The following KALRN variants were observed in gnomAD, a reference collection of about 807,000 sequenced individuals.
KALRN encodes kalirin.
KALRN carries 70 observed loss-of-function variants against 353.7 expected under a neutral mutation model. The ratio of observed to expected loss-of-function variants is 0.20; its 90% CI spans 0.16 to 0.24. The LOEUF (loss-of-function observed/expected upper bound fraction) is 0.24. Among genes scored for constraint, KALRN ranks in the 10% least tolerant of loss-of-function variants. The pLI is 1.00. For synonymous variants in KALRN, 1,391 were observed against 1,434.8 expected (o/e 0.97, Z 0.69); for missense variants, 2,791 against 3,756.7 (o/e 0.74, Z 6.72).
At chr3:124,431,126 T>C (rs1389955651) in intron 16 of KALRN, among the ~76,000 whole-genome samples, 2 of 152,252 alleles carry the variant, frequency 1.3e-5, no homozygotes, top group African/African-American at 4.8e-5. Flanking sequence ...AAGTCACTTC[T>C]GGTGCAAATC....
At chr3:124,356,764 T>A (rs1007479261) in intron 10 of KALRN, among the ~76,000 whole-genome samples, 3 of 152,148 alleles carry the variant, frequency 2.0e-5, no homozygotes, top group Non-Finnish European at 4.4e-5. Flanking sequence ...TTCTGGCTGG[T>A]CCTGATTAAA....
At chr3:124,488,610 T>G (rs1397101778) in intron 29 of KALRN, 2 of 300,476 alleles carry the variant, frequency 6.7e-6, no homozygotes, top group South Asian at 7.0e-5. Flanking sequence ...GTGCTAGAGC[T>G]TCCAACCTAC....
rs759529176 is a variant in KALRN, at chr3:124,234,922, C to T, written c.242C>T (p.Thr81Met). The change falls in exon 3 of 60, where the codon ACG (threonine) becomes ATG (methionine). Residue 81 changes from threonine (T) to methionine (M), a missense_variant. Coordinates refer to ENST00000682506, the MANE Select transcript of KALRN (RefSeq NM_001388419.1). Reference protein sequence around the residue: ...IRQEDLRKLVTYLASVPSEDV... With the variant: ...IRQEDLRKLVMYLASVPSEDV... ...CAGGAAGACCTGCGGAAACTCGTGA[C>T]GTATTTGGCCAGCGTGCCAAGGTAA... The T allele has an allele frequency of 1.2e-5, 20 of 1,604,252 alleles. No homozygotes were observed. The East Asian group carries it at 1.6e-4, about 13-fold the overall frequency.
intron 1 of KALRN, among the ~76,000 whole-genome samples, chr3:124,199,669 C>G (rs538715615): frequency 8.5e-5 from 13 of 152,108 alleles, no homozygotes; most frequent in Admixed American, 6.6e-4. Context: ...GAACAGTGGC[C>G]GGGCAATTAC....
chr3:124,652,932 C>T (rs1195557191), intron 38 of KALRN, among the ~76,000 whole-genome samples: 1 of 152,186 alleles, frequency 6.6e-6, no homozygotes, highest in Non-Finnish European at 1.5e-5. Flanking sequence ...GTCATTTAAG[C>T]CATTGTCCAG....
At chr3:124,054,076 T>C (rs1402049722) in intron 1 of KALRN, among the ~76,000 whole-genome samples, 1 of 152,204 alleles carries the variant, frequency 6.6e-6, no homozygotes, top group Non-Finnish European at 1.5e-5. Flanking sequence ...GGATACTTAA[T>C]GCTAACCTTT....
At chr3:124,647,098 G>T (rs2082852123) in intron 37 of KALRN, among the ~76,000 whole-genome samples, 1 of 151,678 alleles carries the variant, frequency 6.6e-6, no homozygotes, top group Non-Finnish European at 1.5e-5. Context: ...TAGAGATGGG[G>T]GTCTCACTAT....
At chr3:124,142,183 A>G (rs930060967) in intron 1 of KALRN, among the ~76,000 whole-genome samples, 14 of 152,180 alleles carry the variant, frequency 9.2e-5, no homozygotes, top group African/African-American at 3.4e-4. Context: ...ACATAGGGCT[A>G]AGCTTTGTTT....
At chr3:124,424,796 A>G (rs1335734601) in intron 15 of KALRN, among the ~76,000 whole-genome samples, 2 of 152,182 alleles carry the variant, frequency 1.3e-5, no homozygotes, top group African/African-American at 4.8e-5. Context: ...TCTCATTTAT[A>G]ATCTCATTTT....
intron 19 of KALRN, among the ~76,000 whole-genome samples, 158 bp downstream of exon 19, chr3:124,442,217 G>C (rs2093691124): frequency 1.3e-5 from 2 of 152,124 alleles, no homozygotes; most frequent in Non-Finnish European, 2.9e-5. Flanking sequence ...AATGATTCAT[G>C]GTCAATTTTT....
chr3:124,203,630 T>G (rs1187665961), intron 1 of KALRN, among the ~76,000 whole-genome samples: 1 of 152,114 alleles, frequency 6.6e-6, no homozygotes, highest in Non-Finnish European at 1.5e-5. Context: ...AGAAAAATAA[T>G]AATAATAGGG....
At chr3:124,293,904 C>T (rs1259224906) in intron 5 of KALRN, among the ~76,000 whole-genome samples, 1 of 152,086 alleles carries the variant, frequency 6.6e-6, no homozygotes, top group Non-Finnish European at 1.5e-5. Flanking sequence ...GACTAGCAAC[C>T]GAATAACCTA....
At chr3:124,649,325 C>T (rs951110934) in intron 37 of KALRN, among the ~76,000 whole-genome samples, 4 of 152,188 alleles carry the variant, frequency 2.6e-5, no homozygotes, top group African/African-American at 9.7e-5. Flanking sequence ...AAGTGCAGCT[C>T]ACTGAAGGCC....
At chr3:124,352,301 G>A (rs1016525057) in intron 10 of KALRN, among the ~76,000 whole-genome samples, 2 of 152,136 alleles carry the variant, frequency 1.3e-5, no homozygotes, top group African/African-American at 4.8e-5. Flanking sequence ...ATGTAGTACT[G>A]TTATATTGTC....
At chr3:124,566,973 A>C (rs1311443265) in intron 34 of KALRN, among the ~76,000 whole-genome samples, 1 of 152,164 alleles carries the variant, frequency 6.6e-6, no homozygotes, top group Non-Finnish European at 1.5e-5. Flanking sequence ...GTGAGGGCTA[A>C]GCACCTTGTG....
At chr3:124,309,221 G>T (rs2078006643) in intron 6 of KALRN, among the ~76,000 whole-genome samples, 1 of 150,034 alleles carries the variant, frequency 6.7e-6, no homozygotes, top group Non-Finnish European at 1.5e-5. Context: ...AACATTTAAA[G>T]AATTAATACT....
intron 46 of KALRN, 23 bp downstream of exon 46, chr3:124,666,657 G>A (rs777442805): frequency 6.2e-7 from 1 of 1,605,454 alleles, no homozygotes; most frequent in South Asian, 1.1e-5. Context: ...ATGGTGATGA[G>A]AAGAGGCAAG....
chr3:124,697,507 G>C lies in KALRN; in HGVS notation c.7700-86G>C, dbSNP rs2062109917. 14 of 1,350,348 alleles carry C rather than the reference G, an allele frequency of 1.0e-5. No individual in the cohort carries two copies. In the East Asian group the frequency reaches 3.5e-4, roughly 34 times the overall value. 83.6% of individuals were successfully genotyped at this position (1,350,348 alleles called of 1,614,324 possible). ...AGGAAAAAATTGTGACATCGGTTAG[G>C]TAATGTTTCCTAGATGACTTATACC... On this transcript the variant is annotated intron_variant, in intron 54 of 59. Transcript: ENST00000682506.
intron 1 of KALRN, among the ~76,000 whole-genome samples, chr3:124,204,173 T>C (rs1206594189): frequency 1.3e-5 from 2 of 152,242 alleles, no homozygotes; most frequent in Non-Finnish European, 2.9e-5. Context: ...GGTTTCTTCA[T>C]AGGACCCTTT....
Sources: allele counts gnomAD v4.1 joint callset (sites outside exome capture counted in the v4.1 genomes callset), GRCh38; gene constraint gnomAD v4.1.1; transcripts MANE v1.5; gene names NCBI Gene and HGNC (gene_info 2026-07-23, HGNC 2026-07-21).